The following CLCA4 variants were observed in gnomAD, a reference collection of about 807,000 sequenced individuals.
CLCA4 encodes chloride channel accessory 4.
A neutral mutation model predicts 78.9 loss-of-function variants in CLCA4; 69 were observed. The ratio of observed to expected loss-of-function variants is 0.87; its 90% CI spans 0.72 to 1.07. The LOEUF is 1.07. Ranked by LOEUF, CLCA4 falls within the 50% of genes least tolerant of loss-of-function variation. The probability of loss-of-function intolerance (pLI) is 0.00; values close to 1 mark genes in which losing one functional copy is unlikely to be tolerated. For synonymous variants in CLCA4, 362 were observed against 375.8 expected (o/e 0.96, Z 0.42); for missense variants, 1,133 against 1,095.8 (o/e 1.03, Z -0.48).
intron 11 of CLCA4, 48 bp downstream of exon 11, chr1:86,575,647 A>ATATTTCC: frequency 1.3e-6 from 2 of 1,527,958 alleles, no homozygotes; most frequent in Non-Finnish European, 1.8e-6. Context: ...CTAATTCAGC[A>ATATTTCC]TGTTGTGAGT....
chr1:86,553,737 C>A (rs1157820055), intron 1 of CLCA4, among the ~76,000 whole-genome samples: 1 of 152,146 alleles, frequency 6.6e-6, no homozygotes. Context: ...GAGTTCGAGA[C>A]CAGCCTGGCC....
At chr1:86,572,951 G>A in intron 9 of CLCA4, 1 of 491,814 alleles carries the variant, frequency 2.0e-6, no homozygotes, top group Non-Finnish European at 3.7e-6. Flanking sequence ...TATTGCCATG[G>A]GTTTGGTTAA....
At chr1:86,551,062 A>C (rs928037629) in intron 1 of CLCA4, among the ~76,000 whole-genome samples, 1 of 151,458 alleles carries the variant, frequency 6.6e-6, no homozygotes, top group East Asian at 2.0e-4. Context: ...CAATCTCCTG[A>C]CCTCGTGATC....
chr1:86,578,011 C>T lies in CLCA4; in HGVS notation c.2061C>T (p.Ala687=). Residue 687 remains alanine (A), a synonymous_variant, in exon 12 of 14, where the codon GCC becomes GCT. Transcript: ENST00000370563. Reference sequence around the variant, plus strand: ...GGGCTCATGGAGGAGCAAACACTGCCAGGCTAAAATTACGGCCTCCACTGA... The same window carrying T: ...GGGCTCATGGAGGAGCAAACACTGCTAGGCTAAAATTACGGCCTCCACTGA... ...KVRAHGGANT[A]RLKLRPPLNR... 2 of 1,612,786 alleles carry T rather than the reference C, an allele frequency of 1.2e-6. No homozygotes were observed. Among genetic ancestry groups the T allele is most frequent in the South Asian group, 1.1e-5 (1 of 91,012 alleles).
Position 86,563,651 on chromosome 1 carries a change from T to C in CLCA4, c.449-10T>C. On this transcript the variant is annotated splice_polypyrimidine_tract_variant and intron_variant, in intron 3 of 13. Transcript: ENST00000370563. ...GATTATGATCATGTATTTGAAATGC[T>C]TTCCCACAGGCAAACTGTTTGTCCA... 6.8e-7 allele frequency: 1 copy of C among 1,468,550 alleles called. No homozygotes were observed. Among genetic ancestry groups the C allele is most frequent in the Non-Finnish European group, 9.3e-7 (1 of 1,074,122 alleles). The allele number at this position is 1,468,550 out of a possible 1,614,324, so 91.0% of individuals were successfully genotyped here. A position where few individuals can be genotyped will look rare whatever the true frequency, so the allele number is the denominator to read the frequency against.
intron 1 of CLCA4, among the ~76,000 whole-genome samples, chr1:86,555,110 C>T (rs565795026): frequency 2.0e-5 from 3 of 152,044 alleles, no homozygotes; most frequent in South Asian, 2.1e-4. Flanking sequence ...GATATTAGAC[C>T]GGTGTTGGAC....
At chr1:86,571,326 G>C (rs1260260336) in intron 8 of CLCA4, 72 bp downstream of exon 8, 7 of 1,428,660 alleles carry the variant, frequency 4.9e-6, no homozygotes, top group African/African-American at 1.4e-5. Context: ...GTTCAACAAC[G>C]TCTCTTGAGT....
chr1:86,557,528 T>C (rs902347345), intron 1 of CLCA4, among the ~76,000 whole-genome samples: 1 of 152,204 alleles, frequency 6.6e-6, no homozygotes, highest in Admixed American at 6.5e-5. Context: ...TGGTTTTTAG[T>C]GATGTTCTTA....
chr1:86,563,801 C>G (rs368291295), intron 4 of CLCA4, 32 bp downstream of exon 4: 281 of 1,214,228 alleles, frequency 2.3e-4, no homozygotes, highest in Non-Finnish European at 3.3e-4. Context: ...AAACTGACTT[C>G]AGGCTTTTAT....
At chr1:86,563,836 T>A (rs965532466) in intron 4 of CLCA4, 67 bp downstream of exon 4, 15 of 857,944 alleles carry the variant, frequency 1.7e-5, no homozygotes, top group Non-Finnish European at 2.4e-5. Context: ...CTACTTTGAT[T>A]TCTTCCAAAA....
At chr1:86,576,738 T>C (rs543508843) in intron 11 of CLCA4, among the ~76,000 whole-genome samples, 31 of 152,096 alleles carry the variant, frequency 2.0e-4, no homozygotes, top group Admixed American at 1.8e-3. Context: ...CAGAGGCAGC[T>C]AGCACTGCCA....
Position 86,566,048 on chromosome 1 carries a change from A to G in CLCA4, c.954+28A>G, listed in dbSNP as rs943344629. 4 of 1,582,564 alleles carry G rather than the reference A, an allele frequency of 2.5e-6. No individual in the cohort carries two copies. In the African/African-American group the frequency reaches 4.0e-5, roughly 16 times the overall value. On this transcript the variant is annotated intron_variant, in intron 6 of 13. Coordinates refer to ENST00000370563, the MANE Select transcript of CLCA4 (RefSeq NM_012128.4). ...AAGATCACTTTTTCTGGATATAGGG[A>G]TGTAGGATATTTGAAGATCCGAGAA...
chr1:86,556,632 T>C (rs1192035032), intron 1 of CLCA4, among the ~76,000 whole-genome samples: 3 of 152,202 alleles, frequency 2.0e-5, no homozygotes, highest in Non-Finnish European at 4.4e-5. Context: ...TAAAGGATAT[T>C]GGCCTGAAGT....
chr1:86,573,098 A>G (rs1021612263), intron 9 of CLCA4: 2 of 262,134 alleles, frequency 7.6e-6, no homozygotes, highest in South Asian at 8.1e-5. Flanking sequence ...CTTCTATGAT[A>G]TAGATTTAGA....
chr1:86,560,970 C>T (rs1032813486), intron 3 of CLCA4, among the ~76,000 whole-genome samples: 1 of 152,042 alleles, frequency 6.6e-6, no homozygotes, highest in South Asian at 2.1e-4. Flanking sequence ...GACAAAAATG[C>T]AAATCATTGT....
At position 86,577,915 on chromosome 1, in the gene CLCA4, C is replaced by A. The variant is rs780198214; in HGVS notation, c.1965C>A (p.Phe655Leu). The change falls in exon 12 of 14, where the codon TTC (phenylalanine) becomes TTA (leucine). Residue 655 changes from phenylalanine to leucine, a missense_variant. Coordinates refer to ENST00000370563, the MANE Select transcript of CLCA4 (RefSeq NM_012128.4). ...TTCTATAACAAGGCGCTGATTCTTT[C>A]AAGAATGATGGAGTCTACTCCAGGT... ...LLDNGAGADS[F>L]KNDGVYSRYF... 6.2e-7 allele frequency: 1 copy of A among 1,609,752 alleles called. No individual in the cohort carries two copies. The highest frequency in any genetic ancestry group is 1.1e-5 in the South Asian group (1 of 90,232).
chr1:86,571,563 C>G (rs1248365825), intron 8 of CLCA4, among the ~76,000 whole-genome samples: 1 of 152,038 alleles, frequency 6.6e-6, no homozygotes, highest in Non-Finnish European at 1.5e-5. Context: ...GCATGCAAAA[C>G]TAGCTGAATT....
At chr1:86,560,446 G>C in intron 3 of CLCA4, 88 bp downstream of exon 3, 1 of 1,353,012 alleles carries the variant, frequency 7.4e-7, no homozygotes, top group East Asian at 2.5e-5. Context: ...TGGGGCCAAA[G>C]TCCCTAGAAT....
At chr1:86,578,131 T>C in intron 12 of CLCA4, 59 bp downstream of exon 12, 1 of 1,459,676 alleles carries the variant, frequency 6.9e-7, no homozygotes, top group Non-Finnish European at 9.3e-7. Flanking sequence ...AGTGATTTGA[T>C]ATAATTAGGC....
Sources: allele counts gnomAD v4.1 joint callset (sites outside exome capture counted in the v4.1 genomes callset), GRCh38; gene constraint gnomAD v4.1.1; transcripts MANE v1.5; gene names NCBI Gene and HGNC (gene_info 2026-07-23, HGNC 2026-07-21).